The following ACTA2 variants were observed in gnomAD, a reference collection of about 807,000 sequenced individuals.
ACTA2 encodes actin alpha 2, smooth muscle.
In ACTA2, 12 loss-of-function variants were observed where a neutral mutation model predicts 39.5. The ratio of observed to expected loss-of-function variants is 0.30; its 90% CI spans 0.19 to 0.49. ACTA2 has a LOEUF of 0.49. Ranked by LOEUF, ACTA2 falls within the 20% of genes least tolerant of loss-of-function variation. The pLI is 0.99. For missense variants in ACTA2, 236 were observed against 498.8 expected, an observed-to-expected ratio of 0.47 and a Z score of 5.02; for synonymous variants, 158 against 180.6, an observed-to-expected ratio of 0.88 and a Z score of 1.00.
exon 1 of ACTA2, chr10:88,991,330 G>A (rs1847197856): frequency 1.2e-5 from 4 of 336,750 alleles, no homozygotes; most frequent in African/African-American, 2.2e-5. Flanking sequence ...GACAAGCCAA[G>A]CCAAAGGTCC....
Position 88,962,911 on chromosome 10 carries a change from CCATATATATATA to C in ACTA2, c.-23-13970_-23-13959del, listed in dbSNP as rs1320503044. Among the ~76,000 whole-genome samples the C allele has an allele frequency of 4.9e-4, 23 of 46,584 alleles. 1 individual carries two copies. The South Asian group carries it at 7.1e-3, about 14-fold the overall frequency. 30.6% of individuals were successfully genotyped at this position (46,584 alleles called of 152,430 possible). On this transcript the variant is annotated intron_variant, in intron 1 of 4. Coordinates refer to the ACTA2 transcript ENST00000415557. ...AAGAGAGTGAGTGCAGGGGAATGCC[CCATATATATATA>C]TATATATATATATATATATATATAT...
Position 88,935,153 on chromosome 10 carries a change from G to A in ACTA2, c.*70C>T. On this transcript the variant is annotated 3_prime_UTR_variant, in exon 9 of 9. Transcript: ENST00000224784. ...CTTTGGCTAGGAATGATTTGGAAAA[G>A]AACTGAAGGCATAATTCCACAGGAC... 4 of 1,593,208 alleles carry A rather than the reference G, an allele frequency of 2.5e-6. No homozygotes were observed. The highest frequency in any genetic ancestry group is 1.1e-5 in the South Asian group (1 of 90,570).
chr10:88,946,629 C>T (rs955901099), intron 3 of ACTA2, among the ~76,000 whole-genome samples: 8 of 151,900 alleles, frequency 5.3e-5, no homozygotes, highest in African/African-American at 7.3e-5. Context: ...CTGGGCCAAG[C>T]GATCCTCCCA....
intron 1 of ACTA2, among the ~76,000 whole-genome samples, chr10:88,949,773 A>T (rs1483762225): frequency 6.6e-6 from 1 of 152,216 alleles, no homozygotes; most frequent in East Asian, 1.9e-4. Flanking sequence ...TCTCATTAAA[A>T]ATGTATTTTT....
intron 1 of ACTA2, among the ~76,000 whole-genome samples, chr10:88,986,540 T>C (rs1024622681): frequency 6.6e-6 from 1 of 152,256 alleles, no homozygotes; most frequent in Non-Finnish European, 1.5e-5. Context: ...AATAATTTGC[T>C]GCATATCTTG....
intron 1 of ACTA2, among the ~76,000 whole-genome samples, chr10:88,961,604 G>A (rs946642512): frequency 6.6e-6 from 1 of 152,168 alleles, no homozygotes; most frequent in Non-Finnish European, 1.5e-5. Context: ...CAGAGTAAGA[G>A]AGAGACCCTC....
intron 1 of ACTA2, among the ~76,000 whole-genome samples, chr10:88,983,540 A>G (rs1028027709): frequency 7.4e-6 from 1 of 134,306 alleles, no homozygotes; most frequent in Non-Finnish European, 1.5e-5. Context: ...TTTCTTTTCT[A>G]TAAAATAGGA....
intron 4 of ACTA2, 73 bp downstream of exon 4, chr10:88,943,724 G>A: frequency 7.7e-7 from 1 of 1,291,700 alleles, no homozygotes. Flanking sequence ...TCTCTCTGCT[G>A]TGCTGCATAG....
chr10:88,988,550 G>T (rs184048942), intron 1 of ACTA2, among the ~76,000 whole-genome samples: 1 of 151,724 alleles, frequency 6.6e-6, no homozygotes, highest in East Asian at 1.9e-4. Context: ...AACTTATATG[G>T]TATGGTTTGA....
chr10:88,949,235 A>G (rs1846007654), intron 1 of ACTA2, among the ~76,000 whole-genome samples: 1 of 152,176 alleles, frequency 6.6e-6, no homozygotes, highest in African/African-American at 2.4e-5. Context: ...TTAAAGGTGG[A>G]TAGAGCCAGT....
At chr10:88,984,069 G>T (rs940041952) in intron 1 of ACTA2, among the ~76,000 whole-genome samples, 2 of 152,136 alleles carry the variant, frequency 1.3e-5, no homozygotes, top group Non-Finnish European at 2.9e-5. Context: ...TGAGGGGAGG[G>T]TTACTATCAT....
intron 1 of ACTA2, among the ~76,000 whole-genome samples, chr10:88,966,806 A>G (rs896090261): frequency 6.6e-6 from 1 of 152,232 alleles, no homozygotes; most frequent in African/African-American, 2.4e-5. Context: ...TTAAGTGCCA[A>G]TCAGATTATC....
intron 1 of ACTA2, among the ~76,000 whole-genome samples, chr10:88,983,724 ATGTC>A (rs1846785022): frequency 6.6e-6 from 1 of 151,224 alleles, no homozygotes; most frequent in Non-Finnish European, 1.5e-5. Context: ...TTATTTTTAA[ATGTC>A]TGTCCCTTTA....
At chr10:88,955,495 C>T (rs939914514), upstream of ACTA2, among the ~76,000 whole-genome samples, 3 of 152,150 alleles carry the variant, frequency 2.0e-5, no homozygotes, top group Non-Finnish European at 1.5e-5. Context: ...TAAGATAGCC[C>T]ATGAAGACAA....
intron 8 of ACTA2, among the ~76,000 whole-genome samples, chr10:88,936,235 C>T (rs886608862): frequency 3.3e-5 from 5 of 152,258 alleles, no homozygotes; most frequent in Middle Eastern, 3.4e-3. Flanking sequence ...CAGGTAACAC[C>T]GGTTATATCA....
chr10:88,976,729 C>T (rs112726225), intron 1 of ACTA2, among the ~76,000 whole-genome samples: 1 of 152,216 alleles, frequency 6.6e-6, no homozygotes, highest in African/African-American at 2.4e-5. Context: ...AATTAAGAAG[C>T]TATGATAGAA....
At chr10:88,985,421 T>C (rs1846847692) in intron 1 of ACTA2, among the ~76,000 whole-genome samples, 2 of 152,348 alleles carry the variant, frequency 1.3e-5, no homozygotes, top group African/African-American at 2.4e-5. Flanking sequence ...ACCACTATTG[T>C]ATTAGTCGAC....
chr10:88,942,678 G>A (rs964753234), intron 4 of ACTA2, among the ~76,000 whole-genome samples: 6 of 152,052 alleles, frequency 3.9e-5, no homozygotes, highest in African/African-American at 1.4e-4. Flanking sequence ...CCATCTGTAA[G>A]ACCCTTCCTA....
chr10:88,961,407 T>C (rs1472051717), intron 1 of ACTA2, among the ~76,000 whole-genome samples: 1 of 152,200 alleles, frequency 6.6e-6, no homozygotes. Context: ...TCTTTCACTT[T>C]CCATCCTCTT....
Sources: allele counts gnomAD v4.1 joint callset (sites outside exome capture counted in the v4.1 genomes callset), GRCh38; gene constraint gnomAD v4.1.1; transcripts MANE v1.5; gene names NCBI Gene and HGNC (gene_info 2026-07-23, HGNC 2026-07-21).